Variants in NKAIN3 observed in about 807,000 individuals in gnomAD.
The protein encoded by NKAIN3 is sodium/potassium transporting ATPase interacting 3.
NKAIN3 carries 25 observed loss-of-function variants against 30.2 expected under a neutral mutation model. That is an observed-to-expected ratio of 0.83 (90% CI 0.60 to 1.16). The LOEUF is 1.16. NKAIN3 is among the 50% of genes most tolerant of loss of function. The probability of loss-of-function intolerance (pLI) is 0.00; values close to 1 mark genes in which losing one functional copy is unlikely to be tolerated. For synonymous variants in NKAIN3, 91 were observed against 89.6 expected (o/e 1.02, Z -0.09); for missense variants, 225 against 254.1 (o/e 0.89, Z 0.78).
intron 1 of NKAIN3, among the ~76,000 whole-genome samples, chr8:62,269,019 T>C (rs1459643947): frequency 6.6e-6 from 1 of 152,190 alleles, no homozygotes. Flanking sequence ...TGTTGCTGTC[T>C]GAAATACATC....
At chr8:62,845,103 TA>T (rs944713403) in intron 4 of NKAIN3, among the ~76,000 whole-genome samples, 81 of 150,316 alleles carry the variant, frequency 5.4e-4, no homozygotes, top group Non-Finnish European at 1.1e-3. Flanking sequence ...TCACTAGAAA[TA>T]AAAAAAAGGA....
intron 3 of NKAIN3, among the ~76,000 whole-genome samples, chr8:62,635,372 G>T (rs1812094924): frequency 6.6e-6 from 1 of 152,154 alleles, no homozygotes; most frequent in African/African-American, 2.4e-5. Flanking sequence ...GTGAAAGTTT[G>T]AGGTAACAAT....
At chr8:62,582,691 C>T (rs1426925169) in intron 2 of NKAIN3, among the ~76,000 whole-genome samples, 1 of 152,128 alleles carries the variant, frequency 6.6e-6, no homozygotes, top group Non-Finnish European at 1.5e-5. Flanking sequence ...TATTGAGGAC[C>T]TGTACTGTGC....
chr8:62,563,737 A>G (rs186007018), intron 1 of NKAIN3, among the ~76,000 whole-genome samples: 1 of 152,298 alleles, frequency 6.6e-6, no homozygotes, highest in East Asian at 1.9e-4. Flanking sequence ...AGTTATTTTT[A>G]GCAGGCTTTA....
intron 3 of NKAIN3, among the ~76,000 whole-genome samples, chr8:62,652,983 C>T: frequency 6.6e-6 from 1 of 152,120 alleles, no homozygotes; most frequent in East Asian, 1.9e-4. Context: ...ATGTGATTTT[C>T]TTCTTTTGGG....
chr8:62,517,804 T>G (rs1203168237), intron 1 of NKAIN3, among the ~76,000 whole-genome samples: 1 of 152,182 alleles, frequency 6.6e-6, no homozygotes, highest in Non-Finnish European at 1.5e-5. Flanking sequence ...GATAATATGG[T>G]CTACAGTTTG....
intron 1 of NKAIN3, among the ~76,000 whole-genome samples, chr8:62,378,639 G>T (rs914853597): frequency 6.6e-6 from 1 of 152,194 alleles, no homozygotes; most frequent in Non-Finnish European, 1.5e-5. Context: ...GGGAGTGCAA[G>T]CCCCAAGCCT....
intron 3 of NKAIN3, among the ~76,000 whole-genome samples, chr8:62,617,333 T>A (rs1426094951): frequency 6.6e-6 from 1 of 152,214 alleles, no homozygotes; most frequent in Non-Finnish European, 1.5e-5. Context: ...GCTTAGAAGC[T>A]CTGCCAAGAA....
chr8:62,896,456 A>C (rs1252018776), intron 4 of NKAIN3, among the ~76,000 whole-genome samples: 1 of 152,160 alleles, frequency 6.6e-6, no homozygotes, highest in African/African-American at 2.4e-5. Flanking sequence ...ACCCTCTCAA[A>C]GTCTCTTTTA....
chr8:62,372,782 C>T lies in NKAIN3; in HGVS notation c.54+123655C>T, dbSNP rs576262693. On this transcript the variant is annotated intron_variant, in intron 1 of 6. Transcript: ENST00000623646. Reference sequence around the variant, plus strand: ...TGAAGTATTTACAAAAGACAACACACATAGAGGCACAGATAGACCACTTTT... The same window carrying T: ...TGAAGTATTTACAAAAGACAACACATATAGAGGCACAGATAGACCACTTTT... 5.9e-5 allele frequency among the ~76,000 whole-genome samples: 9 copies of T among 152,176 alleles called. No individual in the cohort carries two copies. The South Asian group carries it at 1.5e-3, about 25-fold the overall frequency.
intron 3 of NKAIN3, 62 bp downstream of exon 3, chr8:62,589,856 A>G: frequency 3.7e-6 from 3 of 802,692 alleles, no homozygotes; most frequent in Admixed American, 4.0e-5. Flanking sequence ...TATTGTGACT[A>G]CATACATATA....
chr8:62,490,799 A>T (rs1316620914), intron 1 of NKAIN3, among the ~76,000 whole-genome samples: 1 of 151,118 alleles, frequency 6.6e-6, no homozygotes, highest in Admixed American at 6.6e-5. Context: ...TTTGAAATAA[A>T]ACAGACGTAG....
chr8:62,377,366 A>G (rs13278733), intron 1 of NKAIN3, among the ~76,000 whole-genome samples: 63,539 of 151,776 alleles, frequency 0.42, 15,521 homozygotes, highest in Non-Finnish European at 0.54. Flanking sequence ...AGGCTCTTAA[A>G]TAATTAAAGT....
chr8:62,848,275 GT>G lies in NKAIN3; in HGVS notation c.472-70174del, dbSNP rs376531271. On this transcript the variant is annotated intron_variant, in intron 4 of 6. Coordinates refer to ENST00000623646, the MANE Select transcript of NKAIN3 (RefSeq NM_001304533.3). ...ATAAATTGCTTTGGGCAGTATGGCC[GT>G]TTTCACGATATTGATTCTATCCACG... Among the ~76,000 whole-genome samples, 57 of 152,176 alleles carry G rather than the reference GT, an allele frequency of 3.7e-4. No individual in the cohort carries two copies. The South Asian group carries it at 0.011, about 30-fold the overall frequency.
chr8:62,884,637 G>A (rs771462405), intron 4 of NKAIN3, among the ~76,000 whole-genome samples: 1 of 151,750 alleles, frequency 6.6e-6, no homozygotes, highest in Non-Finnish European at 1.5e-5. Context: ...CTTTTTGTTT[G>A]GGAAGATTAA....
At chr8:62,944,461 A>C (rs559214601) in intron 5 of NKAIN3, among the ~76,000 whole-genome samples, 11 of 152,260 alleles carry the variant, frequency 7.2e-5, no homozygotes, top group Admixed American at 5.2e-4. Context: ...GCTTTCTTTG[A>C]ATTCATAGAT....
intron 1 of NKAIN3, among the ~76,000 whole-genome samples, chr8:62,576,649 A>G (rs1173183956): frequency 6.6e-6 from 1 of 152,082 alleles, no homozygotes. Flanking sequence ...AATTTTCAGC[A>G]TTTTCTGATT....
At chr8:62,714,767 C>T (rs1246686420) in intron 3 of NKAIN3, among the ~76,000 whole-genome samples, 3 of 152,048 alleles carry the variant, frequency 2.0e-5, no homozygotes, top group Admixed American at 6.6e-5. Flanking sequence ...AATCACAGGG[C>T]CAAAATTCAA....
intron 3 of NKAIN3, among the ~76,000 whole-genome samples, chr8:62,623,484 G>A (rs1283959925): frequency 1.3e-5 from 2 of 151,980 alleles, no homozygotes; most frequent in African/African-American, 4.8e-5. Context: ...TTGTGTGTAT[G>A]TATATGTTTG....
Sources: allele counts gnomAD v4.1 joint callset (sites outside exome capture counted in the v4.1 genomes callset), GRCh38; gene constraint gnomAD v4.1.1; transcripts MANE v1.5; gene names NCBI Gene and HGNC (gene_info 2026-07-23, HGNC 2026-07-21).